CSDE1: variants seen among roughly 807,000 people sequenced by gnomAD.
CSDE1 encodes the protein cold shock domain containing E1.
In CSDE1, 17 loss-of-function variants were observed where a neutral mutation model predicts 89.3. That is an observed-to-expected ratio of 0.19 (90% CI 0.13 to 0.29). CSDE1 has a LOEUF of 0.29. Ranked by LOEUF, CSDE1 falls within the 10% of genes least tolerant of loss-of-function variation. The pLI is 1.00. For missense variants in CSDE1, 672 were observed against 984.2 expected (o/e 0.68, Z 4.24); for synonymous variants, 322 against 332.8 (o/e 0.97, Z 0.35).
intron 10 of CSDE1, among the ~76,000 whole-genome samples, chr1:114,731,324 G>A (rs1249255660): frequency 6.6e-6 from 1 of 150,494 alleles, no homozygotes; most frequent in Non-Finnish European, 1.5e-5. Flanking sequence ...TCCTTGCCAA[G>A]TCCTGACAGT....
chr1:114,741,381 T>A (rs1660718270), intron 2 of CSDE1: 1 of 679,044 alleles, frequency 1.5e-6, no homozygotes, highest in African/African-American at 1.8e-5. Context: ...CTACTGAAGT[T>A]ATCTTTCAAG....
At chr1:114,745,079 A>T (rs748432753) in intron 2 of CSDE1, among the ~76,000 whole-genome samples, 2 of 152,214 alleles carry the variant, frequency 1.3e-5, no homozygotes, top group African/African-American at 4.8e-5. Context: ...ACTAGCAAAG[A>T]CGTAAGATTT....
At chr1:114,734,144 A>T (rs763432069) in intron 7 of CSDE1, 27 bp from the exon 8 acceptor site, 1 of 1,599,764 alleles carries the variant, frequency 6.3e-7, no homozygotes, top group Non-Finnish European at 8.5e-7. Context: ...AACCAAGAAC[A>T]TTATTACCAC....
chr1:114,725,337 A>C lies in CSDE1; in HGVS notation c.1641-4T>G, dbSNP rs769841684. 3 of 1,607,888 alleles carry C rather than the reference A, an allele frequency of 1.9e-6. No individual in the cohort carries two copies. Among genetic ancestry groups the C allele is most frequent in the African/African-American group, 2.7e-5 (2 of 74,946 alleles). On this transcript the variant is annotated splice_polypyrimidine_tract_variant and splice_region_variant and intron_variant, in intron 14 of 19. Transcript: ENST00000358528. ...ATCAACATCACCAGAGAACTCACTAAGGAGAAAGGAAATGACATTTAACTA... is the reference window on the plus strand; with the variant it reads ...ATCAACATCACCAGAGAACTCACTACGGAGAAAGGAAATGACATTTAACTA...
At chr1:114,748,008 CA>C (rs1170738660) in intron 2 of CSDE1, among the ~76,000 whole-genome samples, 1 of 151,974 alleles carries the variant, frequency 6.6e-6, no homozygotes, top group Non-Finnish European at 1.5e-5. Flanking sequence ...TAAGAAGAAA[CA>C]AATAGAAAAA....
intron 2 of CSDE1, among the ~76,000 whole-genome samples, chr1:114,743,852 C>A (rs1420704407): frequency 6.6e-6 from 1 of 152,220 alleles, no homozygotes; most frequent in Non-Finnish European, 1.5e-5. Flanking sequence ...CTCTCTTTCC[C>A]TAGCCTTTAT....
chr1:114,723,214 G>A (rs1659620469), intron 16 of CSDE1, among the ~76,000 whole-genome samples: 1 of 152,112 alleles, frequency 6.6e-6, no homozygotes, highest in African/African-American at 2.4e-5. Context: ...TCCACATCAT[G>A]TAATTCTGCT....
chr1:114,720,380 C>T, intron 17 of CSDE1, 159 bp downstream of exon 17: 2 of 652,834 alleles, frequency 3.1e-6, no homozygotes, highest in Non-Finnish European at 2.5e-6. Context: ...GTGTAGTTTT[C>T]TGTTTTTATT....
chr1:114,732,185 C>A (rs1296824161), intron 10 of CSDE1, among the ~76,000 whole-genome samples: 2 of 152,018 alleles, frequency 1.3e-5, no homozygotes, highest in African/African-American at 4.8e-5. Context: ...GTGTCTAGAT[C>A]ATGGGTGTTC....
chr1:114,726,184 G>T, intron 14 of CSDE1, 27 bp downstream of exon 14: 1 of 1,570,430 alleles, frequency 6.4e-7, no homozygotes, highest in South Asian at 1.2e-5. Flanking sequence ...TAAGTTAGCT[G>T]TAAAGTTCCT....
At chr1:114,728,929 G>A (rs1413771440) in intron 12 of CSDE1, among the ~76,000 whole-genome samples, 2 of 152,096 alleles carry the variant, frequency 1.3e-5, no homozygotes, top group Non-Finnish European at 2.9e-5. Flanking sequence ...CACTATCTGT[G>A]TGCCTAGTTC....
intron 8 of CSDE1, 36 bp from the exon 9 acceptor site, chr1:114,733,893 G>C (rs1382747432): frequency 6.2e-7 from 1 of 1,609,974 alleles, no homozygotes; most frequent in South Asian, 1.1e-5. Flanking sequence ...TGGGGGGACA[G>C]AGGAAGGAAG....
chr1:114,724,731 T>A (rs1201216338), intron 15 of CSDE1, among the ~76,000 whole-genome samples: 1 of 152,160 alleles, frequency 6.6e-6, no homozygotes, highest in Non-Finnish European at 1.5e-5. Context: ...GGGGTTATTT[T>A]TGTTTTTTTC....
chr1:114,726,301 T>G lies in CSDE1; in HGVS notation c.1550A>C (p.Lys517Thr), dbSNP rs910056765. The G allele has an allele frequency of 8.7e-6, 14 of 1,613,826 alleles. No individual in the cohort carries two copies. The highest frequency in any genetic ancestry group is 1.1e-5 in the Non-Finnish European group (13 of 1,179,940). Reference protein sequence around the residue: ...VRLLGRNSNSKRLLGYVATLK... With the variant: ...VRLLGRNSNSTRLLGYVATLK... The stretch of plus-strand genomic sequence containing the variant: ...AGTTGCCACATAACCCAAGAGCCTC[T>G]TGGAGTTAGAATTACGACCTAAAAG... The change falls in exon 14 of 20, where the codon AAG becomes ACG. Residue 517 changes from lysine (K) to threonine (T), a missense_variant. This residue lies in a region of CSDE1 where 108 missense variants were observed against 105.0 expected (regional missense o/e 1.03). Coordinates refer to ENST00000358528, the MANE Select transcript of CSDE1 (RefSeq NM_001007553.3).
At chr1:114,721,659 G>A (rs550429056) in intron 16 of CSDE1, among the ~76,000 whole-genome samples, 5 of 151,112 alleles carry the variant, frequency 3.3e-5, no homozygotes, top group Admixed American at 6.6e-5. Context: ...GGCGATCAAC[G>A]GCTCACTGCA....
chr1:114,736,612 A>G, intron 6 of CSDE1, 146 bp downstream of exon 6: 1 of 579,392 alleles, frequency 1.7e-6, no homozygotes, highest in Non-Finnish European at 3.1e-6. Context: ...CAATATTCAT[A>G]GACCTCAAAG....
intron 6 of CSDE1, 48 bp from the exon 7 acceptor site, chr1:114,734,571 A>C: frequency 6.8e-7 from 1 of 1,476,422 alleles, no homozygotes; most frequent in Non-Finnish European, 9.4e-7. Flanking sequence ...AGGGATTAAA[A>C]ATGTATTGGC....
intron 17 of CSDE1, 76 bp downstream of exon 17, chr1:114,720,463 G>C: frequency 7.6e-7 from 1 of 1,320,420 alleles, no homozygotes; most frequent in South Asian, 1.6e-5. Context: ...ATTTCCCCTT[G>C]GCTGAAAATA....
intron 12 of CSDE1, among the ~76,000 whole-genome samples, chr1:114,729,854 A>T (rs1660008446): frequency 6.6e-6 from 1 of 152,190 alleles, no homozygotes; most frequent in Admixed American, 6.5e-5. Context: ...GGATACACCC[A>T]ACTTTGAAAG....
Sources: allele counts gnomAD v4.1 joint callset (sites outside exome capture counted in the v4.1 genomes callset), GRCh38; gene constraint gnomAD v4.1.1; regional missense constraint gnomAD v4.1.1; transcripts MANE v1.5; gene names NCBI Gene and HGNC (gene_info 2026-07-23, HGNC 2026-07-21).